STK3: variants seen among roughly 807,000 people sequenced by gnomAD.
STK3 encodes serine/threonine kinase 3, also known as serine/threonine-protein kinase 3.
A neutral mutation model predicts 58.0 loss-of-function variants in STK3; 41 were observed. That is an observed-to-expected ratio of 0.71 (90% CI 0.55 to 0.92). STK3 has a LOEUF of 0.92. Among genes scored for constraint, STK3 ranks in the 40% least tolerant of loss-of-function variants. The pLI is 0.00. For synonymous variants in STK3, 170 were observed against 191.0 expected, an observed-to-expected ratio of 0.89 and a Z score of 0.91; for missense variants, 479 against 602.7, an observed-to-expected ratio of 0.79 and a Z score of 2.15.
In STK3 at chr8:98,607,602, C is replaced by A. The variant is rs192899943; in HGVS notation, c.685-11433G>T. Among the ~76,000 whole-genome samples the A allele has an allele frequency of 5.3e-5, 8 of 152,236 alleles. No individual in the cohort carries two copies. In the East Asian group the frequency reaches 1.4e-3, roughly 26 times the overall value. ...AAATGAGAAATACGCATAAACTATA[C>A]CTGCTACATAATGAAGTACAATGGT... is the stretch of plus-strand genomic sequence containing the variant. On this transcript the variant is annotated intron_variant, in intron 6 of 10. Coordinates refer to ENST00000419617, the MANE Select transcript of STK3 (RefSeq NM_006281.4).
intron 3 of STK3, among the ~76,000 whole-genome samples, chr8:98,402,024 C>A (rs1385767057): frequency 2.0e-5 from 3 of 152,196 alleles, no homozygotes; most frequent in African/African-American, 7.2e-5. Flanking sequence ...GTTTGGTAAA[C>A]ATCCTATCTA....
chr8:98,708,007 C>T lies in STK3; in HGVS notation c.352-696G>A, dbSNP rs550520419. The stretch of plus-strand genomic sequence containing the variant: ...TACAAAAATTAGCCAGGCGTGATGG[C>T]GTGCACTTGTAATCCCAGCTACTCA... On this transcript the variant is annotated intron_variant, in intron 4 of 10. Transcript: ENST00000419617. Among the ~76,000 whole-genome samples the T allele has an allele frequency of 2.0e-4, 30 of 151,968 alleles. No individual in the cohort carries two copies. In the South Asian group the frequency reaches 5.0e-3, roughly 25 times the overall value.
chr8:98,385,509 A>G (rs16896950), intron 1 of STK3, among the ~76,000 whole-genome samples: 8,701 of 152,234 alleles, frequency 0.057, 644 homozygotes, highest in East Asian at 0.16. Context: ...TGAAAGTGGA[A>G]GCCACACACA....
At chr8:98,467,354 T>C (rs1820550729) in intron 10 of STK3, among the ~76,000 whole-genome samples, 1 of 152,106 alleles carries the variant, frequency 6.6e-6, no homozygotes, top group Non-Finnish European at 1.5e-5. Flanking sequence ...CAATATTTAT[T>C]GAATGAATGA....
rs373844147 is a variant in STK3, at chr8:98,806,297, G to GA, written c.26+19217dup. ...TGTGACTTAAAACATGCCTTTATGG[G>GA]AAAAAAAAAATATATCTTCCTATAT... On this transcript the variant is annotated intron_variant, in intron 1 of 10. Coordinates refer to ENST00000419617, the MANE Select transcript of STK3 (RefSeq NM_006281.4). Among the ~76,000 whole-genome samples the GA allele has an allele frequency of 9.2e-3, 1,366 of 149,110 alleles. 11 individuals carry two copies. The highest frequency in any genetic ancestry group is 0.031 in the African/African-American group (1,269 of 40,722).
At chr8:98,618,198 G>T (rs201351722) in intron 6 of STK3, among the ~76,000 whole-genome samples, 2 of 151,448 alleles carry the variant, frequency 1.3e-5, no homozygotes, top group African/African-American at 4.9e-5. Flanking sequence ...TATAAACAGA[G>T]CCAAAGACAA....
chr8:98,828,573 C>T (rs1835413510), upstream of STK3, among the ~76,000 whole-genome samples: 1 of 150,016 alleles, frequency 6.7e-6, no homozygotes, highest in South Asian at 2.1e-4. Context: ...AGAGTGAGAC[C>T]CTGTTTCAAA....
rs148201437 is a variant in STK3 at position 98,373,254 on chromosome 8, C to T, written n.112-1576G>A. Among the ~76,000 whole-genome samples the T allele has an allele frequency of 1.6e-3, 249 of 152,170 alleles. 1 individual carries two copies. Among genetic ancestry groups the T allele is most frequent in the Non-Finnish European group, 2.6e-3 (174 of 68,008 alleles). On this transcript the variant is annotated intron_variant and non_coding_transcript_variant, in intron 2 of 2. Transcript: ENST00000518704. ...TGCCCTTAACATCTCCTTCTGTGTC[C>T]GAGCCAGATGATTGGATCTTTTCCC... is the stretch of plus-strand genomic sequence containing the variant.
downstream of STK3, among the ~76,000 whole-genome samples, chr8:98,399,952 T>TC (rs1817927552): frequency 6.6e-6 from 1 of 152,126 alleles, no homozygotes; most frequent in African/African-American, 2.4e-5. Context: ...CACTCCACCT[T>TC]CCACTGCCCA....
At chr8:98,573,927 C>G (rs558465406) in intron 8 of STK3, among the ~76,000 whole-genome samples, 1 of 151,790 alleles carries the variant, frequency 6.6e-6, no homozygotes, top group Non-Finnish European at 1.5e-5. Flanking sequence ...AGAGAAGCGC[C>G]GAGCAAAGAG....
At chr8:98,636,280 C>T (rs778702746) in intron 6 of STK3, among the ~76,000 whole-genome samples, 9 of 151,928 alleles carry the variant, frequency 5.9e-5, no homozygotes, top group Non-Finnish European at 1.3e-4. Context: ...AGGATTCTAC[C>T]ACTGCAATTA....
At position 98,851,634 on chromosome 8, in the gene STK3, G is replaced by A. The variant is rs534163484; in HGVS notation, c.110+32013C>T. Among the ~76,000 whole-genome samples, 25 of 152,300 alleles carry A rather than the reference G, an allele frequency of 1.6e-4. No homozygotes were observed. In the East Asian group the frequency reaches 2.7e-3, roughly 16 times the overall value. On this transcript the variant is annotated intron_variant, in intron 3 of 12. Transcript: ENST00000523601. ...AAAAGAAGAAGAGAAGGAGAAGACA[G>A]AGAAGGATGAGGAAAGGAGGGTGAG...
At chr8:98,461,883 A>T (rs1031086386) in intron 10 of STK3, among the ~76,000 whole-genome samples, 1 of 152,138 alleles carries the variant, frequency 6.6e-6, no homozygotes, top group African/African-American at 2.4e-5. Context: ...TTTACAGGTT[A>T]CATAACGCTT....
intron 3 of STK3, among the ~76,000 whole-genome samples, chr8:98,765,829 T>G (rs1229166187): frequency 6.6e-6 from 1 of 152,250 alleles, no homozygotes; most frequent in Non-Finnish European, 1.5e-5. Flanking sequence ...TAAGTAACTT[T>G]AGGCTAAACA....
At chr8:98,792,535 A>G (rs1176237723) in intron 1 of STK3, among the ~76,000 whole-genome samples, 2 of 149,968 alleles carry the variant, frequency 1.3e-5, no homozygotes, top group African/African-American at 4.9e-5. Context: ...CGCCCCTACT[A>G]AAAAAAAATA....
intron 3 of STK3, among the ~76,000 whole-genome samples, chr8:98,420,018 C>G (rs1387165038): frequency 6.6e-6 from 1 of 152,244 alleles, no homozygotes; most frequent in East Asian, 1.9e-4. Context: ...AAACACCCAA[C>G]TGGACCATAA....
chr8:98,890,075 C>T (rs1838139026), intron 1 of STK3, among the ~76,000 whole-genome samples: 1 of 152,184 alleles, frequency 6.6e-6, no homozygotes, highest in Non-Finnish European at 1.5e-5. Flanking sequence ...TTCATTTTCC[C>T]ACTGAGGAAA....
chr8:98,425,461 G>A (rs1159635028), intron 3 of STK3, among the ~76,000 whole-genome samples: 1 of 152,198 alleles, frequency 6.6e-6, no homozygotes, highest in Non-Finnish European at 1.5e-5. Context: ...AAAGCCTGGG[G>A]AAAGGTCATA....
Position 98,670,072 on chromosome 8 carries a change from T to A in STK3, c.684+36395A>T, listed in dbSNP as rs191009967. Reference sequence around the variant, plus strand: ...AAATTAGTACTCACAACACTGTATATAAAAATGAATAGAGGCCAGGTGCAG... The same window carrying A: ...AAATTAGTACTCACAACACTGTATAAAAAAATGAATAGAGGCCAGGTGCAG... On this transcript the variant is annotated intron_variant, in intron 6 of 10. Coordinates refer to ENST00000419617, the MANE Select transcript of STK3 (RefSeq NM_006281.4). Among the ~76,000 whole-genome samples, 8 of 152,178 alleles carry A rather than the reference T, an allele frequency of 5.3e-5. No homozygotes were observed. In the East Asian group the frequency reaches 7.7e-4, roughly 15 times the overall value.
Sources: gnomAD v4.1 joint callset for allele counts (sites outside exome capture counted in the v4.1 genomes callset) on GRCh38, gnomAD v4.1.1 for gene constraint, MANE v1.5 for transcripts, NCBI Gene and HGNC (gene_info 2026-07-23, HGNC 2026-07-21) for gene names.